SRGAP2: variants seen among roughly 807,000 people sequenced by gnomAD.
The protein encoded by SRGAP2 is SLIT-ROBO Rho GTPase-activating protein 2.
A neutral mutation model predicts 57.2 loss-of-function variants in SRGAP2; 15 were observed. The ratio of observed to expected loss-of-function variants is 0.26; its 90% CI spans 0.18 to 0.40. The LOEUF is 0.40. SRGAP2 is among the 10% of genes least tolerant of loss of function. SRGAP2 has a pLI of 1.00. For synonymous variants in SRGAP2, 249 were observed against 248.0 expected, an observed-to-expected ratio of 1.00 and a Z score of -0.04; for missense variants, 520 against 669.6, an observed-to-expected ratio of 0.78 and a Z score of 2.47.
intron 3 of SRGAP2, among the ~76,000 whole-genome samples, chr1:206,342,070 G>A (rs1414280210): frequency 6.6e-6 from 1 of 152,108 alleles, no homozygotes; most frequent in African/African-American, 2.4e-5. Context: ...TTTTAGGAAC[G>A]CATGTTCAGG....
intron 14 of SRGAP2, among the ~76,000 whole-genome samples, chr1:206,434,024 G>T (rs1661509338): frequency 6.6e-6 from 1 of 152,132 alleles, no homozygotes; most frequent in African/African-American, 2.4e-5. Context: ...AGGTGCTCAT[G>T]AACTCCCTAA....
chr1:206,443,609 T>C (rs1214862360), intron 17 of SRGAP2, among the ~76,000 whole-genome samples: 1 of 152,074 alleles, frequency 6.6e-6, no homozygotes, highest in Admixed American at 6.5e-5. Flanking sequence ...ACTCCTGACC[T>C]CAGGTGATCC....
intron 19 of SRGAP2, among the ~76,000 whole-genome samples, chr1:206,451,283 G>A (rs1663278793): frequency 6.6e-6 from 1 of 152,102 alleles, no homozygotes; most frequent in Admixed American, 6.6e-5. Context: ...GTACAGACAT[G>A]CGAGTGCCGA....
In SRGAP2 at chr1:206,364,047, T is replaced by C. The variant is rs1388767715; in HGVS notation, c.424-19967T>C. ...CTTTTAGAAAGATTACTCTGAAATGTTTGGATGTGAGAGAGATGTGAGAAC... is the reference window on the plus strand; with the variant it reads ...CTTTTAGAAAGATTACTCTGAAATGCTTGGATGTGAGAGAGATGTGAGAAC... On this transcript the variant is annotated intron_variant, in intron 4 of 22. Transcript: ENST00000573034. Among the ~76,000 whole-genome samples, 34 of 147,342 alleles carry C rather than the reference T, an allele frequency of 2.3e-4. 1 individual carries two copies. The highest frequency in any genetic ancestry group is 1.9e-3 in the Admixed American group (28 of 14,754).
In SRGAP2 at chr1:206,414,630, C is replaced by G. The variant is rs541723913; in HGVS notation, c.1357-1259C>G. Among the ~76,000 whole-genome samples the G allele has an allele frequency of 1.6e-4, 22 of 139,438 alleles. 1 individual carries two copies. Among genetic ancestry groups the G allele is most frequent in the African/African-American group, 6.7e-4 (22 of 32,924 alleles). 91.5% of individuals were successfully genotyped at this position (139,438 alleles called of 152,430 possible). On this transcript the variant is annotated intron_variant, in intron 10 of 22. Transcript: ENST00000573034. ...GGAGGTGATCAAGGCAAACTAAGAC[C>G]CCCAAGAAAGGCTGTGGAGGAGAGC...
In SRGAP2 at chr1:206,372,961, T is replaced by C. The variant is rs1437283191; in HGVS notation, c.424-11053T>C. On this transcript the variant is annotated intron_variant, in intron 4 of 22. Coordinates refer to ENST00000573034, the MANE Select transcript of SRGAP2 (RefSeq NM_015326.5). ...TTTCTTTCTTTCTTTCTTTCTTTTC[T>C]TTCCTTTCTTTCTTTCTTTCTTTCT... 3.6e-3 allele frequency among the ~76,000 whole-genome samples: 40 copies of C among 11,044 alleles called. 6 individuals are homozygous for C. The South Asian group carries it at 0.093, about 26-fold the overall frequency. The allele number at this position is 11,044 out of a possible 152,430, so 7.2% of individuals were successfully genotyped here. A position where few individuals can be genotyped will look rare whatever the true frequency, so the allele number is the denominator to read the frequency against.
intron 5 of SRGAP2, among the ~76,000 whole-genome samples, chr1:206,384,661 C>T (rs1306132502): frequency 6.6e-6 from 1 of 151,792 alleles, no homozygotes; most frequent in Non-Finnish European, 1.5e-5. Context: ...GAAGAGAACA[C>T]AATCTGTTCT....
At chr1:206,241,691 G>A in intron 2 of SRGAP2, among the ~76,000 whole-genome samples, 1 of 149,430 alleles carries the variant, frequency 6.7e-6, no homozygotes, top group East Asian at 2.0e-4. Context: ...TTCATATTAG[G>A]GAGAGCTCTG....
At chr1:206,333,117 G>A (rs2102882091) in intron 3 of SRGAP2, among the ~76,000 whole-genome samples, 1 of 144,536 alleles carries the variant, frequency 6.9e-6, no homozygotes, top group East Asian at 2.0e-4. Context: ...CAGTTAGGCT[G>A]CTCGGGGGTC....
intron 3 of SRGAP2, among the ~76,000 whole-genome samples, chr1:206,326,863 G>C (rs1186915598): frequency 6.6e-6 from 1 of 152,184 alleles, no homozygotes; most frequent in African/African-American, 2.4e-5. Flanking sequence ...TAAATTAATA[G>C]CAACAAAATG....
chr1:206,434,021 C>T (rs529813903), intron 14 of SRGAP2, among the ~76,000 whole-genome samples: 1 of 152,310 alleles, frequency 6.6e-6, no homozygotes, highest in South Asian at 2.1e-4. Context: ...TTAAGGTGCT[C>T]ATGAACTCCC....
At chr1:206,413,514 C>T (rs1659396783) in intron 10 of SRGAP2, among the ~76,000 whole-genome samples, 1 of 152,168 alleles carries the variant, frequency 6.6e-6, no homozygotes, top group African/African-American at 2.4e-5. Flanking sequence ...GGGAACAGAT[C>T]ATGAATAAGG....
At chr1:206,420,188 CATA>C in intron 12 of SRGAP2, among the ~76,000 whole-genome samples, 1 of 152,308 alleles carries the variant, frequency 6.6e-6, no homozygotes, top group African/African-American at 2.4e-5. Flanking sequence ...TGCCAAAACA[CATA>C]ATAATTATGA....
rs1201421580 is a variant in SRGAP2 at position 206,394,864 on chromosome 1, G to A, written c.831+1191G>A. On this transcript the variant is annotated intron_variant, in intron 7 of 22. Coordinates refer to ENST00000573034, the MANE Select transcript of SRGAP2 (RefSeq NM_015326.5). ...CTGAGCCACACCTAAGTGAAGCTAT[G>A]TAATTACACCCTTTCTCACCTCTCC... Among the ~76,000 whole-genome samples the A allele has an allele frequency of 2.6e-5, 4 of 151,612 alleles. No individual in the cohort carries two copies. In the East Asian group the frequency reaches 7.9e-4, roughly 30 times the overall value.
chr1:206,451,657 G>C (rs1553375984), intron 19 of SRGAP2, among the ~76,000 whole-genome samples: 1 of 152,184 alleles, frequency 6.6e-6, no homozygotes, highest in Non-Finnish European at 1.5e-5. Flanking sequence ...GAGGAGGGGA[G>C]TAGGTGAACT....
chr1:206,457,540 CTCTGAGAACATCCTTT>C (rs1663940030), intron 21 of SRGAP2, among the ~76,000 whole-genome samples: 1 of 152,198 alleles, frequency 6.6e-6, no homozygotes, highest in Non-Finnish European at 1.5e-5. Context: ...CCTTAGAAGA[CTCTGAGAACATCCTTT>C]TTCCACTCGA....
intron 13 of SRGAP2, among the ~76,000 whole-genome samples, chr1:206,424,697 A>G (rs17012997): frequency 0.034 from 5,194 of 152,328 alleles, 304 homozygotes; most frequent in African/African-American, 0.12. Context: ...AGTTAACTCT[A>G]TGCAAGGGCA....
intron 3 of SRGAP2, among the ~76,000 whole-genome samples, chr1:206,340,686 T>C (rs1409985829): frequency 1.4e-5 from 2 of 148,116 alleles, no homozygotes; most frequent in African/African-American, 5.0e-5. Context: ...ATTTTGTAAC[T>C]GAAATCTAAT....
chr1:206,278,810 T>G (rs1314788470), intron 2 of SRGAP2, among the ~76,000 whole-genome samples: 1 of 146,038 alleles, frequency 6.8e-6, no homozygotes, highest in African/African-American at 2.8e-5. Flanking sequence ...ACAGCCAGTT[T>G]AAAGGCCTTA....
Sources: gnomAD v4.1 joint callset for allele counts (sites outside exome capture counted in the v4.1 genomes callset) on GRCh38, gnomAD v4.1.1 for gene constraint, MANE v1.5 for transcripts, NCBI Gene and HGNC (gene_info 2026-07-23, HGNC 2026-07-21) for gene names.